Variants in AP3B1 observed in about 807,000 individuals in gnomAD.
AP3B1 encodes adaptor related protein complex 3 subunit beta 1.
A neutral mutation model predicts 132.5 loss-of-function variants in AP3B1; 61 were observed. The observed-to-expected ratio is 0.46, with a 90% CI of 0.37 to 0.57. AP3B1 has a LOEUF of 0.57. Among genes scored for constraint, AP3B1 ranks in the 20% least tolerant of loss-of-function variants. The pLI is 0.00. For synonymous variants in AP3B1, 388 were observed against 438.3 expected (o/e 0.89, Z 1.43); for missense variants, 1,120 against 1,289.4 (o/e 0.87, Z 2.01).
Position 78,002,713 on chromosome 5 carries a change from A to G in AP3B1, c.*189T>C, listed in dbSNP as rs1746235268. On this transcript the variant is annotated 3_prime_UTR_variant, in exon 27 of 27. Transcript: ENST00000255194. Reference sequence around the variant, plus strand: ...ATATATGCTCTTTGGTTAGCAAAGCAAAAAGGGGGAAAGTATTGCATACAT... The same window carrying G: ...ATATATGCTCTTTGGTTAGCAAAGCGAAAAGGGGGAAAGTATTGCATACAT... The G allele has an allele frequency of 1.4e-6, 1 of 693,302 alleles. No homozygotes were observed. Among genetic ancestry groups the G allele is most frequent in the Non-Finnish European group, 2.5e-6 (1 of 403,474 alleles). 42.9% of individuals were successfully genotyped at this position (693,302 alleles called of 1,614,324 possible).
chr5:78,086,310 G>C (rs1033638823), intron 22 of AP3B1, among the ~76,000 whole-genome samples: 5 of 152,120 alleles, frequency 3.3e-5, no homozygotes, highest in Non-Finnish European at 2.9e-5. Context: ...AATGATGTAC[G>C]TGTAATGAAA....
chr5:78,232,558 A>G (rs1359496662), intron 3 of AP3B1, among the ~76,000 whole-genome samples: 1 of 152,250 alleles, frequency 6.6e-6, no homozygotes, highest in Admixed American at 6.5e-5. Flanking sequence ...CTCTATGCCC[A>G]GAGAAGCTGT....
intron 22 of AP3B1, among the ~76,000 whole-genome samples, chr5:78,058,059 C>T (rs1219751594): frequency 6.6e-6 from 1 of 152,172 alleles, no homozygotes; most frequent in East Asian, 1.9e-4. Flanking sequence ...TAGTTCTCTA[C>T]TACCTTAATA....
chr5:78,175,617 C>G lies in AP3B1; in HGVS notation c.1167+9G>C. On this transcript the variant is annotated intron_variant, in intron 11 of 26. Coordinates refer to ENST00000255194, the MANE Select transcript of AP3B1 (RefSeq NM_003664.5). ...GTTAAAAGCCTCTGAAAAATGAAAG[C>G]ATACATACCTTCAGTGTCTTGATCA... The G allele has an allele frequency of 6.2e-7, 1 of 1,607,540 alleles. No homozygotes were observed.
chr5:78,082,839 G>A (rs1287093281), intron 22 of AP3B1, among the ~76,000 whole-genome samples: 1 of 151,278 alleles, frequency 6.6e-6, no homozygotes, highest in Non-Finnish European at 1.5e-5. Flanking sequence ...TTTTTAGACG[G>A]AGTTTCGCTC....
At chr5:78,239,365 G>A (rs921238414) in intron 3 of AP3B1, among the ~76,000 whole-genome samples, 4 of 151,020 alleles carry the variant, frequency 2.6e-5, no homozygotes, top group Admixed American at 2.0e-4. Context: ...CAGCCACTCA[G>A]GAGGCTGAGG....
chr5:78,020,445 T>C (rs1237359907), intron 25 of AP3B1, among the ~76,000 whole-genome samples: 1 of 152,138 alleles, frequency 6.6e-6, no homozygotes, highest in Non-Finnish European at 1.5e-5. Flanking sequence ...ACTCTCAGCA[T>C]TGAAAAGGTG....
intron 25 of AP3B1, among the ~76,000 whole-genome samples, chr5:78,018,695 CA>C (rs1303963791): frequency 2.6e-5 from 4 of 151,836 alleles, no homozygotes; most frequent in Admixed American, 6.6e-5. Context: ...CACACACACA[CA>C]CACACCCCTT....
intron 26 of AP3B1, among the ~76,000 whole-genome samples, chr5:78,004,523 A>AT (rs1746314312): frequency 2.0e-5 from 3 of 152,288 alleles, no homozygotes; most frequent in East Asian, 3.9e-4. Flanking sequence ...TAACACATTA[A>AT]TTTTTTTAAA....
chr5:78,259,512 T>TA (rs997624847), intron 2 of AP3B1, among the ~76,000 whole-genome samples: 25 of 152,096 alleles, frequency 1.6e-4, no homozygotes, highest in African/African-American at 5.8e-4. Flanking sequence ...TAAAATAACT[T>TA]AAAGAGTGTA....
chr5:78,002,695 C>T lies in AP3B1; in HGVS notation c.*207G>A. The T allele has an allele frequency of 1.6e-6, 1 of 642,692 alleles. No individual in the cohort carries two copies. 39.8% of individuals were successfully genotyped at this position (642,692 alleles called of 1,614,324 possible). A position where few individuals can be genotyped will look rare whatever the true frequency, so the allele number is the denominator to read the frequency against. ...GAGACAACTGACAGTAAAATATATG[C>T]TCTTTGGTTAGCAAAGCAAAAAGGG... On this transcript the variant is annotated 3_prime_UTR_variant, in exon 27 of 27. Coordinates refer to ENST00000255194, the MANE Select transcript of AP3B1 (RefSeq NM_003664.5).
intron 1 of AP3B1, among the ~76,000 whole-genome samples, chr5:78,267,856 A>G (rs1748391458): frequency 6.6e-6 from 1 of 152,204 alleles, no homozygotes; most frequent in African/African-American, 2.4e-5. Flanking sequence ...GCATTTTGTT[A>G]TGGCAGCTCT....
chr5:78,004,789 A>C (rs189167288), intron 26 of AP3B1, among the ~76,000 whole-genome samples: 3 of 152,230 alleles, frequency 2.0e-5, no homozygotes, highest in Non-Finnish European at 4.4e-5. Context: ...CAGTATTCCT[A>C]CTGAGAGAAG....
chr5:78,216,700 T>C (rs1400391506), intron 6 of AP3B1, among the ~76,000 whole-genome samples: 4 of 152,278 alleles, frequency 2.6e-5, no homozygotes, highest in East Asian at 1.9e-4. Context: ...AAAAAGTATA[T>C]GAGAAATTCA....
At chr5:78,265,801 T>C (rs1217326089) in intron 2 of AP3B1, among the ~76,000 whole-genome samples, 3 of 152,226 alleles carry the variant, frequency 2.0e-5, no homozygotes, top group African/African-American at 7.2e-5. Context: ...AAACGTGTAA[T>C]GTCAGTAGTT....
chr5:78,140,756 A>C (rs895346785), intron 15 of AP3B1, among the ~76,000 whole-genome samples: 4 of 152,190 alleles, frequency 2.6e-5, no homozygotes, highest in African/African-American at 9.6e-5. Flanking sequence ...AGAAACACCA[A>C]GCTGTTTCTT....
At chr5:78,257,402 A>G (rs569949331) in intron 2 of AP3B1, among the ~76,000 whole-genome samples, 1 of 152,346 alleles carries the variant, frequency 6.6e-6, no homozygotes, top group South Asian at 2.1e-4. Flanking sequence ...AGAAATTTTA[A>G]AAGTAATCCC....
intron 7 of AP3B1, among the ~76,000 whole-genome samples, chr5:78,209,163 G>A (rs909186405): frequency 2.0e-5 from 3 of 151,826 alleles, no homozygotes; most frequent in African/African-American, 7.3e-5. Context: ...CCCTTCTCAC[G>A]ACCAAGGGCA....
intron 11 of AP3B1, among the ~76,000 whole-genome samples, chr5:78,173,223 T>C (rs1452729730): frequency 1.3e-5 from 2 of 152,176 alleles, no homozygotes; most frequent in African/African-American, 4.8e-5. Flanking sequence ...CTGAGAAGAA[T>C]GTATATTCTG....
Sources: gnomAD v4.1 joint callset for allele counts (sites outside exome capture counted in the v4.1 genomes callset) on GRCh38, gnomAD v4.1.1 for gene constraint, MANE v1.5 for transcripts, NCBI Gene and HGNC (gene_info 2026-07-23, HGNC 2026-07-21) for gene names.